Variants in KCNMA1 observed in about 807,000 individuals in gnomAD.
The protein encoded by KCNMA1 is Calcium-activated potassium channel subunit alpha-1.
In KCNMA1, 29 loss-of-function variants were observed where a neutral mutation model predicts 140.0. That is an observed-to-expected ratio of 0.21 (90% CI 0.15 to 0.28). KCNMA1 has a LOEUF of 0.28. Ranked by LOEUF, KCNMA1 falls within the 10% of genes least tolerant of loss-of-function variation. The pLI is 1.00. For synonymous variants in KCNMA1, 612 were observed against 611.9 expected (o/e 1.00, Z 0.00); for missense variants, 880 against 1,602.2 (o/e 0.55, Z 7.70).
At chr10:77,107,408 G>T (rs894966479) in intron 9 of KCNMA1, among the ~76,000 whole-genome samples, 3 of 152,144 alleles carry the variant, frequency 2.0e-5, no homozygotes, top group Admixed American at 1.3e-4. Context: ...TTAAAGATGT[G>T]TACATTTAAC....
intron 14 of KCNMA1, among the ~76,000 whole-genome samples, chr10:77,069,703 T>C (rs1325050645): frequency 6.6e-6 from 1 of 152,220 alleles, no homozygotes; most frequent in Non-Finnish European, 1.5e-5. Flanking sequence ...CTAAGGTTGG[T>C]ATCTTTGAGA....
At chr10:77,598,623 A>T (rs1347091697) in intron 1 of KCNMA1, among the ~76,000 whole-genome samples, 4 of 152,230 alleles carry the variant, frequency 2.6e-5, no homozygotes, top group Non-Finnish European at 4.4e-5. Context: ...ACATTAAATA[A>T]AACAAAAAAG....
chr10:77,486,373 C>T lies in KCNMA1; in HGVS notation c.379-82350G>A, dbSNP rs529156629. ...TACACTTTTCCTTTTGGAGTGATCT[C>T]GGGACCATTACTCAAACTGCATAGC... On this transcript the variant is annotated intron_variant, in intron 1 of 27. Coordinates refer to ENST00000286628, the MANE Select transcript of KCNMA1 (RefSeq NM_001161352.2). Among the ~76,000 whole-genome samples the T allele has an allele frequency of 9.9e-5, 15 of 152,222 alleles. No homozygotes were observed. In the South Asian group the frequency reaches 1.7e-3, roughly 17 times the overall value.
chr10:77,253,508 G>A (rs1344912299), intron 2 of KCNMA1, among the ~76,000 whole-genome samples: 1 of 152,238 alleles, frequency 6.6e-6, no homozygotes, highest in Non-Finnish European at 1.5e-5. Context: ...CCTCCACTTG[G>A]AGTCAGTGAT....
intron 2 of KCNMA1, among the ~76,000 whole-genome samples, chr10:77,399,587 G>C (rs2096193259): frequency 6.6e-6 from 1 of 152,216 alleles, no homozygotes; most frequent in Non-Finnish European, 1.5e-5. Context: ...CAGGGTGAGA[G>C]AGGAGGCAAA....
intron 3 of KCNMA1, among the ~76,000 whole-genome samples, chr10:77,240,137 C>T (rs775905739): frequency 6.6e-6 from 1 of 152,224 alleles, no homozygotes; most frequent in South Asian, 2.1e-4. Flanking sequence ...CATATGTTCA[C>T]TTCCATTTAT....
At chr10:76,977,522 C>T in intron 19 of KCNMA1, 1 of 702,814 alleles carries the variant, frequency 1.4e-6, no homozygotes, top group South Asian at 1.5e-5. Context: ...GTTGCAAAGA[C>T]TAAGATATTA....
chr10:76,898,130 A>AC (rs1554882474), intron 25 of KCNMA1, among the ~76,000 whole-genome samples: 3 of 151,928 alleles, frequency 2.0e-5, no homozygotes, highest in African/African-American at 7.2e-5. Context: ...AATGAGCTAA[A>AC]TGATCCTATA....
chr10:77,100,433 G>A (rs888962795), intron 9 of KCNMA1, among the ~76,000 whole-genome samples: 3 of 152,168 alleles, frequency 2.0e-5, no homozygotes, highest in Non-Finnish European at 4.4e-5. Context: ...CAGTCCCTGT[G>A]GTTCTGGGGG....
chr10:77,021,525 G>T (rs2092849870), intron 16 of KCNMA1, among the ~76,000 whole-genome samples: 1 of 152,212 alleles, frequency 6.6e-6, no homozygotes, highest in African/African-American at 2.4e-5. Flanking sequence ...GGCATTGAAA[G>T]ACTTTTCCAC....
chr10:77,616,239 A>G (rs1437927042), intron 1 of KCNMA1, among the ~76,000 whole-genome samples: 1 of 152,238 alleles, frequency 6.6e-6, no homozygotes, highest in Non-Finnish European at 1.5e-5. Context: ...GGGGGTGGAC[A>G]TTCCACAGAC....
chr10:77,204,747 C>G (rs1227247520), intron 3 of KCNMA1, among the ~76,000 whole-genome samples: 1 of 152,114 alleles, frequency 6.6e-6, no homozygotes, highest in Non-Finnish European at 1.5e-5. Flanking sequence ...CTTAAGTGCT[C>G]TATAGATAAC....
In KCNMA1 at chr10:76,954,437, G is replaced by A. The variant is rs137893856; in HGVS notation, c.2361-513C>T. Among the ~76,000 whole-genome samples the A allele has an allele frequency of 5.4e-4, 83 of 152,294 alleles. 1 individual carries two copies. The highest frequency in any genetic ancestry group is 1.9e-3 in the African/African-American group (77 of 41,560). On this transcript the variant is annotated intron_variant, in intron 20 of 27. Transcript: ENST00000286628. Reference sequence around the variant, plus strand: ...GCTCCTTCTGACTACAACTTCTGACGTGATGCTCTTCGCAGTAAAAGCTTT... The same window carrying A: ...GCTCCTTCTGACTACAACTTCTGACATGATGCTCTTCGCAGTAAAAGCTTT...
intron 20 of KCNMA1, among the ~76,000 whole-genome samples, chr10:76,969,431 T>C (rs1203850324): frequency 6.6e-6 from 1 of 152,210 alleles, no homozygotes; most frequent in African/African-American, 2.4e-5. Context: ...CTTTGGCAAG[T>C]CCACAGATTA....
At chr10:77,313,113 G>T (rs2079784273) in intron 2 of KCNMA1, among the ~76,000 whole-genome samples, 1 of 152,154 alleles carries the variant, frequency 6.6e-6, no homozygotes, top group Admixed American at 6.5e-5. Context: ...TAACCTATCA[G>T]ACTCCGCGTT....
chr10:77,421,286 C>A (rs2096861400), intron 1 of KCNMA1, among the ~76,000 whole-genome samples: 1 of 152,212 alleles, frequency 6.6e-6, no homozygotes, highest in South Asian at 2.1e-4. Flanking sequence ...CCCCAGGAAG[C>A]CTTTCCTAAC....
At chr10:77,059,998 T>G (rs1463292513) in intron 14 of KCNMA1, among the ~76,000 whole-genome samples, 1 of 152,112 alleles carries the variant, frequency 6.6e-6, no homozygotes, top group East Asian at 1.9e-4. Flanking sequence ...TACATATAAA[T>G]CTAACAAAAC....
intron 2 of KCNMA1, among the ~76,000 whole-genome samples, chr10:77,343,618 AAG>A (rs2091498789): frequency 1.3e-5 from 2 of 152,232 alleles, no homozygotes; most frequent in Non-Finnish European, 2.9e-5. Flanking sequence ...ATAAATAGAT[AAG>A]AGTTATATTC....
intron 18 of KCNMA1, among the ~76,000 whole-genome samples, chr10:77,008,974 T>A (rs1255279674): frequency 6.6e-6 from 1 of 152,248 alleles, no homozygotes; most frequent in East Asian, 1.9e-4. Context: ...TTTTTAATAA[T>A]TCATTTTATT....
Sources: gnomAD v4.1 joint callset for allele counts (sites outside exome capture counted in the v4.1 genomes callset) on GRCh38, gnomAD v4.1.1 for gene constraint, MANE v1.5 for transcripts, NCBI Gene and HGNC (gene_info 2026-07-23, HGNC 2026-07-21) for gene names.